ALDH1A2: variants seen among roughly 807,000 people sequenced by gnomAD.
ALDH1A2 encodes the protein aldehyde dehydrogenase 1 family member A2, also known as retinal dehydrogenase 2.
Under a neutral mutation model 60.3 loss-of-function variants are expected in ALDH1A2, and 27 were observed. The ratio of observed to expected loss-of-function variants is 0.45; its 90% CI spans 0.33 to 0.62. The LOEUF is 0.62. Among genes scored for constraint, ALDH1A2 ranks in the 20% least tolerant of loss-of-function variants. The probability of loss-of-function intolerance (pLI) is 0.02; values close to 1 mark genes in which losing one functional copy is unlikely to be tolerated. For missense variants in ALDH1A2, 581 were observed against 643.8 expected, an observed-to-expected ratio of 0.90 and a Z score of 1.06; for synonymous variants, 289 against 232.4, an observed-to-expected ratio of 1.24 and a Z score of -2.21.
At chr15:58,023,442 C>T (rs912227667) in intron 1 of ALDH1A2, among the ~76,000 whole-genome samples, 2 of 152,132 alleles carry the variant, frequency 1.3e-5, no homozygotes, top group Non-Finnish European at 2.9e-5. Flanking sequence ...ATACAGGATG[C>T]TTAATGATTC....
chr15:58,004,448 G>A (rs1895379931), intron 4 of ALDH1A2, among the ~76,000 whole-genome samples: 1 of 151,716 alleles, frequency 6.6e-6, no homozygotes, highest in African/African-American at 2.4e-5. Context: ...GTACCCAACA[G>A]GTAGTTTTCA....
rs543559422 is a variant in ALDH1A2, at chr15:57,977,347, G to A, written c.799-11520C>T. 1.3e-5 allele frequency among the ~76,000 whole-genome samples: 2 copies of A among 152,128 alleles called. 1 individual carries two copies. The highest frequency in any genetic ancestry group is 2.9e-5 in the Non-Finnish European group (2 of 68,010). On this transcript the variant is annotated intron_variant, in intron 7 of 12. Coordinates refer to ENST00000249750, the MANE Select transcript of ALDH1A2 (RefSeq NM_003888.4). ...CTATGTCCTGAATGGTATTGCCTAG[G>A]TTTTTGTCTAGGATTTTTATGGTTT...
intron 1 of ALDH1A2, among the ~76,000 whole-genome samples, chr15:58,034,263 C>G (rs1409451822): frequency 1.3e-5 from 2 of 151,524 alleles, no homozygotes; most frequent in African/African-American, 4.8e-5. Flanking sequence ...TTTCAAATTC[C>G]AAATGTTCAT....
chr15:57,977,238 A>C (rs1478453210), intron 7 of ALDH1A2, among the ~76,000 whole-genome samples: 5 of 152,122 alleles, frequency 3.3e-5, no homozygotes, highest in African/African-American at 1.2e-4. Context: ...TTTGCTGTGC[A>C]CAAGCGGTTT....
intron 1 of ALDH1A2, among the ~76,000 whole-genome samples, chr15:58,039,091 T>A (rs1257868043): frequency 2.0e-5 from 3 of 151,810 alleles, no homozygotes; most frequent in Admixed American, 6.6e-5. Flanking sequence ...GGGGCTCTTA[T>A]AACTCTTCCA....
At chr15:57,980,456 A>G (rs1394263105) in intron 7 of ALDH1A2, 6 of 338,002 alleles carry the variant, frequency 1.8e-5, no homozygotes, top group African/African-American at 1.1e-4. Flanking sequence ...CAGCTTGTTC[A>G]TGAGTATGCA....
chr15:58,059,406 C>CAA (rs1160116990), intron 1 of ALDH1A2, among the ~76,000 whole-genome samples: 7 of 152,182 alleles, frequency 4.6e-5, no homozygotes, highest in African/African-American at 4.8e-5. Context: ...AAAATGCTCT[C>CAA]AAAATTCCAT....
At position 58,014,201 on chromosome 15, in the gene ALDH1A2, C is replaced by A. The variant is rs1201182915; in HGVS notation, c.198G>T (p.Val66=). 2 of 1,613,986 alleles carry A rather than the reference C, an allele frequency of 1.2e-6. No homozygotes were observed. The highest frequency in any genetic ancestry group is 1.7e-6 in the Non-Finnish European group (2 of 1,179,992). The change falls in exon 2 of 13, where the codon GTG becomes GTT. Residue 66 remains valine (V), a synonymous_variant. Coordinates refer to ENST00000249750, the MANE Select transcript of ALDH1A2 (RefSeq NM_003888.4). ...PVYNPATGEQ[V]CEVQEADKAD... ...CCTTGTCTGCTTCTTGAACTTCACACACCTGTTCTCCTGTGGCTGGATTAT... is the reference window on the plus strand; with the variant it reads ...CCTTGTCTGCTTCTTGAACTTCACAAACCTGTTCTCCTGTGGCTGGATTAT...
chr15:58,003,287 C>A (rs1895337215), intron 4 of ALDH1A2, among the ~76,000 whole-genome samples: 1 of 151,792 alleles, frequency 6.6e-6, no homozygotes, highest in African/African-American at 2.4e-5. Context: ...GTTAGGTGGG[C>A]AGAGCAAATC....
Position 57,961,994 on chromosome 15 carries a change from G to T in ALDH1A2, c.1251+18C>A. Reference sequence around the variant, plus strand: ...CCCAAGAAAGATGTGGCTTTTGTAAGAACAGCATATTTGATACCTCCTCCT... The same window carrying T: ...CCCAAGAAAGATGTGGCTTTTGTAATAACAGCATATTTGATACCTCCTCCT... On this transcript the variant is annotated intron_variant, in intron 10 of 12. Coordinates refer to ENST00000249750, the MANE Select transcript of ALDH1A2 (RefSeq NM_003888.4). 2 of 1,614,026 alleles carry T rather than the reference G, an allele frequency of 1.2e-6. No homozygotes were observed. Among genetic ancestry groups the T allele is most frequent in the Non-Finnish European group, 1.7e-6 (2 of 1,179,926 alleles).
chr15:58,005,434 G>T (rs1895416576), intron 4 of ALDH1A2, among the ~76,000 whole-genome samples: 1 of 151,904 alleles, frequency 6.6e-6, no homozygotes, highest in African/African-American at 2.4e-5. Flanking sequence ...CATAGCAGAT[G>T]CTAAAAAAAA....
chr15:58,057,949 T>A, intron 1 of ALDH1A2: 3 of 877,946 alleles, frequency 3.4e-6, no homozygotes, highest in Non-Finnish European at 4.6e-6. Flanking sequence ...TTAAATTTTA[T>A]AATAAAATTA....
intron 1 of ALDH1A2, among the ~76,000 whole-genome samples, chr15:58,045,755 G>A (rs1183036918): frequency 6.6e-6 from 1 of 151,842 alleles, no homozygotes; most frequent in Admixed American, 6.6e-5. Flanking sequence ...GGGATGGGGG[G>A]CTAAGTATGG....
At chr15:58,010,116 G>T (rs750962158) in intron 4 of ALDH1A2, among the ~76,000 whole-genome samples, 1 of 152,132 alleles carries the variant, frequency 6.6e-6, no homozygotes, top group Non-Finnish European at 1.5e-5. Flanking sequence ...GATTAGTGTT[G>T]TTTGTATAGA....
intron 3 of ALDH1A2, 100 bp from the exon 4 acceptor site, chr15:58,010,878 G>A: frequency 1.4e-6 from 2 of 1,458,034 alleles, no homozygotes; most frequent in African/African-American, 1.4e-5. Flanking sequence ...GAATACAAAT[G>A]CATATGGAGT....
intron 7 of ALDH1A2, among the ~76,000 whole-genome samples, chr15:57,987,647 G>A (rs930854884): frequency 2.6e-5 from 4 of 152,116 alleles, no homozygotes; most frequent in African/African-American, 4.8e-5. Context: ...TTGGGAGGCC[G>A]AGGCGGGCGG....
chr15:58,003,201 G>T (rs1324106100), intron 4 of ALDH1A2, among the ~76,000 whole-genome samples: 2 of 151,802 alleles, frequency 1.3e-5, no homozygotes, highest in Non-Finnish European at 2.9e-5. Context: ...TCTTAAAAAG[G>T]TTCCTTGTGA....
At chr15:57,989,176 A>G (rs751262655) in intron 7 of ALDH1A2, among the ~76,000 whole-genome samples, 3 of 152,220 alleles carry the variant, frequency 2.0e-5, no homozygotes, top group African/African-American at 7.2e-5. Context: ...TTAGACTGAA[A>G]TATCTTGGAA....
chr15:57,965,042 T>C (rs1893848413), intron 8 of ALDH1A2, among the ~76,000 whole-genome samples: 1 of 150,478 alleles, frequency 6.6e-6, no homozygotes, highest in African/African-American at 2.4e-5. Context: ...CTGAATGAGA[T>C]GGTGGGATTT....
Sources: gnomAD v4.1 joint callset for allele counts (sites outside exome capture counted in the v4.1 genomes callset) on GRCh38, gnomAD v4.1.1 for gene constraint, MANE v1.5 for transcripts, NCBI Gene and HGNC (gene_info 2026-07-23, HGNC 2026-07-21) for gene names.